MYO10: variants seen among roughly 807,000 people sequenced by gnomAD.
MYO10 encodes myosin X.
In MYO10, 133 loss-of-function variants were observed where a neutral mutation model predicts 257.3. The observed-to-expected ratio is 0.52, with a 90% confidence interval of 0.45 to 0.60. MYO10 has a LOEUF of 0.60. MYO10 is among the 20% of genes least tolerant of loss of function. The pLI is 0.00. For missense variants in MYO10, 2,399 were observed against 2,635.7 expected (o/e 0.91, Z 1.97); for synonymous variants, 1,104 against 1,028.6 (o/e 1.07, Z -1.40).
chr5:16,754,652 A>T (rs1740476612), intron 19 of MYO10, among the ~76,000 whole-genome samples, 176 bp downstream of exon 19: 1 of 152,184 alleles, frequency 6.6e-6, no homozygotes, highest in Non-Finnish European at 1.5e-5. Context: ...AAGCAGACTA[A>T]CAGGCCCAAG....
At chr5:16,704,801 C>G (rs1738254459) in intron 21 of MYO10, 116 bp from the exon 22 acceptor site, 1 of 747,470 alleles carries the variant, frequency 1.3e-6, no homozygotes, top group South Asian at 1.7e-5. Context: ...TTTGATCCAC[C>G]ACATGGCCAT....
At chr5:16,668,034 A>C (rs552524095) in intron 40 of MYO10, among the ~76,000 whole-genome samples, 2 of 152,302 alleles carry the variant, frequency 1.3e-5, no homozygotes, top group Admixed American at 6.5e-5. Flanking sequence ...TCCAAGGGTA[A>C]GACTCCTTGG....
intron 4 of MYO10, among the ~76,000 whole-genome samples, chr5:16,794,383 TAAAAAAAA>T (rs58577651): frequency 1.4e-5 from 2 of 140,604 alleles, no homozygotes; most frequent in East Asian, 4.1e-4. Flanking sequence ...AATGTTGCTT[TAAAAAAAA>T]AAAAAAAAAA....
rs927314980 is a variant in MYO10, at chr5:16,919,847, T to A, written c.21+15941A>T. ...CAAAAATTAGGCCGGGTGTGGTGGCTCACACCTGTAATCCCAGCACTTTGG... is the reference window on the plus strand; with the variant it reads ...CAAAAATTAGGCCGGGTGTGGTGGCACACACCTGTAATCCCAGCACTTTGG... On this transcript the variant is annotated intron_variant, in intron 1 of 40. Transcript: ENST00000513610. Among the ~76,000 whole-genome samples, 8 of 152,088 alleles carry A rather than the reference T, an allele frequency of 5.3e-5. No homozygotes were observed. The South Asian group carries it at 6.2e-4, about 12-fold the overall frequency.
intron 18 of MYO10, 134 bp downstream of exon 18, chr5:16,757,984 G>A (rs1740584574): frequency 1.4e-6 from 1 of 722,364 alleles, no homozygotes; most frequent in Non-Finnish European, 2.4e-6. Context: ...GCACTATCTG[G>A]TTTAAAAGCA....
chr5:16,796,052 G>A (rs955420667), intron 3 of MYO10, among the ~76,000 whole-genome samples: 7 of 151,550 alleles, frequency 4.6e-5, no homozygotes, highest in Admixed American at 1.3e-4. Flanking sequence ...AGCCAGGCCC[G>A]GTGGCACACA....
chr5:16,844,495 C>T (rs1175542325), intron 2 of MYO10, among the ~76,000 whole-genome samples: 10 of 151,900 alleles, frequency 6.6e-5, no homozygotes, highest in Non-Finnish European at 1.0e-4. Flanking sequence ...ATCTAAAGTA[C>T]GAAGCAAGAA....
rs138006782 is a variant in MYO10 at position 16,731,405 on chromosome 5, G to C, written c.1930-20160C>G. 3.1e-3 allele frequency among the ~76,000 whole-genome samples: 474 copies of C among 151,556 alleles called. 3 individuals carry two copies. Among genetic ancestry groups the C allele is most frequent in the African/African-American group, 0.011 (449 of 41,278 alleles). On this transcript the variant is annotated intron_variant, in intron 19 of 40. Transcript: ENST00000513610. ...GTCACCCAGGCAGGAGTGCAGTCAT[G>C]AGATCTCGGCTCACTGCAACCTCTG...
chr5:16,711,766 C>CA (rs759332771), intron 19 of MYO10, among the ~76,000 whole-genome samples: 2 of 148,452 alleles, frequency 1.3e-5, no homozygotes, highest in South Asian at 2.1e-4. Context: ...AGAGCAGTCT[C>CA]AAAAAACAAA....
intron 19 of MYO10, among the ~76,000 whole-genome samples, chr5:16,720,624 A>C (rs1193867030): frequency 6.6e-6 from 1 of 151,824 alleles, no homozygotes; most frequent in African/African-American, 2.4e-5. Flanking sequence ...ACACCCGGCT[A>C]ATTTTTTGTA....
At chr5:16,747,640 T>C (rs928457773) in intron 19 of MYO10, among the ~76,000 whole-genome samples, 7 of 152,110 alleles carry the variant, frequency 4.6e-5, no homozygotes, top group Admixed American at 1.3e-4. Context: ...AGATAGAGGC[T>C]GGACGCGGTG....
chr5:16,718,964 A>G (rs1220226167), intron 19 of MYO10, among the ~76,000 whole-genome samples: 6 of 152,224 alleles, frequency 3.9e-5, no homozygotes, highest in Non-Finnish European at 7.3e-5. Context: ...TCTACCAATC[A>G]GCAGGATGTG....
At chr5:16,815,420 T>C (rs1196607215) in intron 3 of MYO10, 4 of 700,608 alleles carry the variant, frequency 5.7e-6, no homozygotes, top group South Asian at 3.0e-5. Context: ...TGAAGCATTG[T>C]GGATTTGGAG....
At chr5:16,778,828 CT>C (rs1465047373) in intron 9 of MYO10, among the ~76,000 whole-genome samples, 6 of 151,504 alleles carry the variant, frequency 4.0e-5, no homozygotes, top group Admixed American at 6.6e-5. Flanking sequence ...GTAGCTGGGA[CT>C]ATAGGCGCCC....
chr5:16,884,106 A>C (rs1296607110), intron 1 of MYO10, among the ~76,000 whole-genome samples: 1 of 152,220 alleles, frequency 6.6e-6, no homozygotes, highest in African/African-American at 2.4e-5. Flanking sequence ...TTAAAGATGC[A>C]GAGGGCTGGC....
rs189174105 is a variant in MYO10 at position 16,734,491 on chromosome 5, A to G, written c.1929+20337T>C. On this transcript the variant is annotated intron_variant, in intron 19 of 40. Transcript: ENST00000513610. ...TTGCTGGGAGAGCCACACAGTGAACACCAGAGTTCTCTACCAAGACTCCCG... is the reference window on the plus strand; with the variant it reads ...TTGCTGGGAGAGCCACACAGTGAACGCCAGAGTTCTCTACCAAGACTCCCG... 1.8e-3 allele frequency among the ~76,000 whole-genome samples: 272 copies of G among 152,266 alleles called. 1 individual carries two copies. The highest frequency in any genetic ancestry group is 6.0e-3 in the African/African-American group (251 of 41,564).
chr5:16,925,616 T>C (rs1746110049), intron 1 of MYO10, among the ~76,000 whole-genome samples: 1 of 152,172 alleles, frequency 6.6e-6, no homozygotes, highest in South Asian at 2.1e-4. Context: ...TTCACCTTGT[T>C]GGCCAGGCTG....
intron 2 of MYO10, among the ~76,000 whole-genome samples, chr5:16,861,892 A>C (rs1046552505): frequency 6.6e-6 from 1 of 152,214 alleles, no homozygotes; most frequent in Non-Finnish European, 1.5e-5. Flanking sequence ...CCTAGGCTCA[A>C]TTGCCATCTC....
intron 3 of MYO10, 83 bp downstream of exon 3, chr5:16,817,926 G>C (rs530947435): frequency 8.7e-7 from 1 of 1,148,444 alleles, no homozygotes; most frequent in South Asian, 2.9e-5. Flanking sequence ...ATTCTCAAAA[G>C]GCAAGAAATA....
Sources: allele counts gnomAD v4.1 joint callset (sites outside exome capture counted in the v4.1 genomes callset), GRCh38; gene constraint gnomAD v4.1.1; transcripts MANE v1.5; gene names NCBI Gene and HGNC (gene_info 2026-07-23, HGNC 2026-07-21).